TP53I11: variants seen among roughly 807,000 people sequenced by gnomAD.
TP53I11 encodes the protein tumor protein p53 inducible protein 11.
TP53I11 carries 9 observed loss-of-function variants against 23.3 expected under a neutral mutation model. The observed-to-expected ratio is 0.39, with a 90% CI of 0.23 to 0.67. The LOEUF (loss-of-function observed/expected upper bound fraction) is 0.67. Among genes scored for constraint, TP53I11 ranks in the 30% least tolerant of loss-of-function variants. The pLI is 0.48. For missense variants in TP53I11, 170 were observed against 255.2 expected (o/e 0.67, Z 2.27); for synonymous variants, 100 against 106.1 (o/e 0.94, Z 0.35).
intron 1 of TP53I11, among the ~76,000 whole-genome samples, chr11:44,942,230 TACCACAC>T (rs1565104918): frequency 1.5e-5 from 1 of 64,572 alleles, no homozygotes; most frequent in Non-Finnish European, 3.2e-5. Flanking sequence ...ACCACACACC[TACCACAC>T]ACCACACACA....
At chr11:44,935,127 G>A (rs530758275) in intron 6 of TP53I11, 110 bp from the exon 7 acceptor site, 1 of 1,510,186 alleles carries the variant, frequency 6.6e-7, no homozygotes, top group Non-Finnish European at 9.0e-7. Flanking sequence ...TTTGCTCTGA[G>A]CCCAGGATCC....
chr11:44,943,203 TG>T (rs2135485954), intron 1 of TP53I11: 1 of 152,228 alleles, frequency 6.6e-6, no homozygotes, highest in South Asian at 2.1e-4. Flanking sequence ...TGGGCACCCA[TG>T]GGGAAAGTGC....
At chr11:44,947,361 G>A (rs1047642747) in intron 1 of TP53I11, 9 of 339,222 alleles carry the variant, frequency 2.7e-5, no homozygotes, top group South Asian at 1.6e-4. Flanking sequence ...CGGGCTAGGG[G>A]TCTGGTGAGA....
rs555675128 is a variant in TP53I11 at position 44,950,520 on chromosome 11, G to C, written c.-32+157C>G. Among the ~76,000 whole-genome samples, 280 of 152,096 alleles carry C rather than the reference G, an allele frequency of 1.8e-3. 1 individual carries two copies. The highest frequency in any genetic ancestry group is 6.5e-3 in the African/African-American group (269 of 41,518). On this transcript the variant is annotated intron_variant, in intron 1 of 6. Coordinates refer to ENST00000525680, the MANE Select transcript of TP53I11 (RefSeq NM_006034.5). ...TCCCAGCGGGCTCAGCGGGTGCCGA[G>C]ATGTCCCGGGGCGCCCGGTTAGCGC...
chr11:44,936,623 T>A lies in TP53I11; in HGVS notation c.334+180A>T. 1 of 1,337,572 alleles carries A rather than the reference T, an allele frequency of 7.5e-7. No homozygotes were observed. The highest frequency in any genetic ancestry group is 9.6e-7 in the Non-Finnish European group (1 of 1,044,630). The allele number at this position is 1,337,572 out of a possible 1,614,324, so 82.9% of individuals were successfully genotyped here. A position where few individuals can be genotyped will look rare whatever the true frequency, so the allele number is the denominator to read the frequency against. ...CAACCCACTGGGTGTATTCCACCAATGGCCACAAGATGGCAGCACATCCCC... is the reference window on the plus strand; with the variant it reads ...CAACCCACTGGGTGTATTCCACCAAAGGCCACAAGATGGCAGCACATCCCC... On this transcript the variant is annotated intron_variant, in intron 5 of 6. Coordinates refer to ENST00000525680, the MANE Select transcript of TP53I11 (RefSeq NM_006034.5). This position sits in a 1 kb window ranked among gnomAD's most constrained non-coding sequence, Gnocchi z 4.4.
intron 6 of TP53I11, 116 bp from the exon 7 acceptor site, chr11:44,935,133 G>C: frequency 6.7e-7 from 1 of 1,483,558 alleles, no homozygotes; most frequent in Non-Finnish European, 9.2e-7. Flanking sequence ...CTGAGCCCAG[G>C]ATCCTCCCAG....
In TP53I11 at chr11:44,934,752, C is replaced by A; in HGVS notation, c.*132G>T. On this transcript the variant is annotated 3_prime_UTR_variant, in exon 7 of 7. Coordinates refer to ENST00000525680, the MANE Select transcript of TP53I11 (RefSeq NM_006034.5). ...TGCCCAGGAGGAAAGGAAGGCCCCC[C>A]ACCCCCTGCCTCCCTGGGGCAGGAC... 2 of 1,310,078 alleles carry A rather than the reference C, an allele frequency of 1.5e-6. No individual in the cohort carries two copies. Among genetic ancestry groups the A allele is most frequent in the South Asian group, 2.9e-5 (2 of 69,892 alleles). 81.2% of individuals were successfully genotyped at this position (1,310,078 alleles called of 1,614,324 possible).
chr11:44,944,376 T>A (rs1225391397), intron 1 of TP53I11, among the ~76,000 whole-genome samples: 1 of 152,160 alleles, frequency 6.6e-6, no homozygotes, highest in Non-Finnish European at 1.5e-5. Flanking sequence ...ATTGAATGAA[T>A]GAGTCGGGAG....
chr11:44,943,267 CG>C lies in TP53I11; in HGVS notation c.-31-4902del, dbSNP rs1209685581. 3.3e-5 allele frequency: 5 copies of C among 152,304 alleles called. 1 individual carries two copies. The highest frequency in any genetic ancestry group is 7.3e-5 in the Non-Finnish European group (5 of 68,102). 9.4% of individuals were successfully genotyped at this position (152,304 alleles called of 1,614,324 possible). Reference sequence around the variant, plus strand: ...TTCCACTTCCCTTTCTCCACTCAGCCGTGCACAGTGGAAAAAGCCTGCCATC... The same window carrying C: ...TTCCACTTCCCTTTCTCCACTCAGCCTGCACAGTGGAAAAAGCCTGCCATC... On this transcript the variant is annotated intron_variant, in intron 1 of 6. Transcript: ENST00000525680.
intron 1 of TP53I11, chr11:44,950,307 G>A (rs1862821258): frequency 6.6e-6 from 1 of 152,346 alleles, no homozygotes; most frequent in African/African-American, 2.4e-5. Flanking sequence ...CTGCTCTGAA[G>A]CAGAAAGCTC....
At chr11:44,939,043 G>A (rs1425759165) in intron 1 of TP53I11, 1 of 134,322 alleles carries the variant, frequency 7.4e-6, no homozygotes, top group Non-Finnish European at 1.6e-5. Flanking sequence ...CCCCAGGTCT[G>A]CCCATGATCC....
At position 44,932,935 on chromosome 11, in the gene TP53I11, A is replaced by G. The variant is rs1242235521; in HGVS notation, c.*1949T>C. On this transcript the variant is annotated 3_prime_UTR_variant, in exon 7 of 7. Coordinates refer to ENST00000525680, the MANE Select transcript of TP53I11 (RefSeq NM_006034.5). ...TCCACCTGCAGTTATGGGAGGACAAACCAACCATCACTATTAGAGGATTAG... is the reference window on the plus strand; with the variant it reads ...TCCACCTGCAGTTATGGGAGGACAAGCCAACCATCACTATTAGAGGATTAG... The G allele has an allele frequency of 1.3e-5, 2 of 152,204 alleles. No individual in the cohort carries two copies. The highest frequency in any genetic ancestry group is 2.9e-5 in the Non-Finnish European group (2 of 68,042). The allele number at this position is 152,204 out of a possible 1,614,324, so 9.4% of individuals were successfully genotyped here.
At chr11:44,937,086 G>C in intron 4 of TP53I11, 187 bp from the exon 5 acceptor site, 1 of 756,746 alleles carries the variant, frequency 1.3e-6, no homozygotes, top group Non-Finnish European at 2.2e-6. Context: ...AGGGTTCCTG[G>C]GAGAAGGAGT....
Position 44,938,528 on chromosome 11 carries a change from G to A in TP53I11, c.-31-162C>T, listed in dbSNP as rs534566030. On this transcript the variant is annotated intron_variant, in intron 1 of 6. Coordinates refer to ENST00000525680, the MANE Select transcript of TP53I11 (RefSeq NM_006034.5). ...AGTACAGCTGGCTTCCTTGTCAAAT[G>A]GGTTGAGGAAATGCTCTCCAGGCCC... The A allele has an allele frequency of 1.3e-4, 104 of 803,904 alleles. No individual in the cohort carries two copies. The African/African-American group carries it at 1.6e-3, about 13-fold the overall frequency. 49.8% of individuals were successfully genotyped at this position (803,904 alleles called of 1,614,324 possible). A position where few individuals can be genotyped will look rare whatever the true frequency, so the allele number is the denominator to read the frequency against.
chr11:44,936,911 G>T lies in TP53I11; in HGVS notation c.238-12C>A. On this transcript the variant is annotated splice_polypyrimidine_tract_variant and intron_variant, in intron 4 of 6. Coordinates refer to ENST00000525680, the MANE Select transcript of TP53I11 (RefSeq NM_006034.5). The surrounding 1 kb of genome is among the most constrained non-coding windows in gnomAD (Gnocchi z 4.4). The stretch of plus-strand genomic sequence containing the variant: ...GGGAAGGCAAGCGCCTGCGGGCAGC[G>T]AGAGGGGCTCAGAGGTCCCGCTTGG... 1 of 1,592,604 alleles carries T rather than the reference G, an allele frequency of 6.3e-7. No individual in the cohort carries two copies. The highest frequency in any genetic ancestry group is 8.5e-7 in the Non-Finnish European group (1 of 1,169,672).
Position 44,936,325 on chromosome 11 carries a change from T to C in TP53I11, c.334+478A>G. 8.3e-7 allele frequency: 1 copy of C among 1,205,180 alleles called. No homozygotes were observed. Among genetic ancestry groups the C allele is most frequent in the Non-Finnish European group, 1.0e-6 (1 of 971,840 alleles). 74.7% of individuals were successfully genotyped at this position (1,205,180 alleles called of 1,614,324 possible). ...ATATTTCGTAGAAATAGAGGCATAT[T>C]ACCTATGCTGAGCTTTAAAAATTGT... is the stretch of plus-strand genomic sequence containing the variant. On this transcript the variant is annotated intron_variant, in intron 5 of 6. Transcript: ENST00000525680. This position sits in a 1 kb window ranked among gnomAD's most constrained non-coding sequence, Gnocchi z 4.4.
At chr11:44,941,371 T>A (rs976914643) in intron 1 of TP53I11, among the ~76,000 whole-genome samples, 8 of 152,140 alleles carry the variant, frequency 5.3e-5, no homozygotes, top group African/African-American at 1.9e-4. Context: ...AACAAAATAA[T>A]GGACAGACAG....
In TP53I11 at chr11:44,936,318, G is replaced by A; in HGVS notation, c.334+485C>T. ...CCATAGAATATTTCGTAGAAATAGA[G>A]GCATATTACCTATGCTGAGCTTTAA... is the stretch of plus-strand genomic sequence containing the variant. On this transcript the variant is annotated intron_variant, in intron 5 of 6. Transcript: ENST00000525680. This position sits in a 1 kb window ranked among gnomAD's most constrained non-coding sequence, Gnocchi z 4.4. 8.4e-7 allele frequency: 1 copy of A among 1,196,312 alleles called. No individual in the cohort carries two copies. The highest frequency in any genetic ancestry group is 1.0e-6 in the Non-Finnish European group (1 of 966,370). The allele number at this position is 1,196,312 out of a possible 1,614,324, so 74.1% of individuals were successfully genotyped here.
intron 1 of TP53I11, among the ~76,000 whole-genome samples, chr11:44,944,506 G>GGA (rs1862202985): frequency 6.6e-6 from 1 of 152,180 alleles, no homozygotes; most frequent in Admixed American, 6.5e-5. Context: ...GGGCGAGGCG[G>GGA]GAACAAGCAA....
Sources: gnomAD v4.1 joint callset for allele counts (sites outside exome capture counted in the v4.1 genomes callset) on GRCh38, gnomAD v4.1.1 for gene constraint, Gnocchi (gnomAD v3.1) non-coding constraint, MANE v1.5 for transcripts, NCBI Gene and HGNC (gene_info 2026-07-23, HGNC 2026-07-21) for gene names.